The following ABCC4 variants were observed in gnomAD, a reference collection of about 807,000 sequenced individuals.
The protein encoded by ABCC4 is ATP binding cassette subfamily C member 4 (PEL blood group).
A neutral mutation model predicts 168.5 loss-of-function variants in ABCC4; 102 were observed. That is an observed-to-expected ratio of 0.61 (90% CI 0.52 to 0.71). The LOEUF is 0.71. Among genes scored for constraint, ABCC4 ranks in the 30% least tolerant of loss-of-function variants. The pLI is 0.00. For missense variants in ABCC4, 1,402 were observed against 1,605.8 expected (o/e 0.87, Z 2.17); for synonymous variants, 617 against 590.7 (o/e 1.04, Z -0.65).
At chr13:95,217,905 G>GA in intron 4 of ABCC4, among the ~76,000 whole-genome samples, 1 of 152,172 alleles carries the variant, frequency 6.6e-6, no homozygotes, top group Non-Finnish European at 1.5e-5. Context: ...GGTACTTCCT[G>GA]ATCCATCTTG....
chr13:95,299,267 C>CAAAA (rs59178850), intron 1 of ABCC4, among the ~76,000 whole-genome samples: 2 of 129,880 alleles, frequency 1.5e-5, no homozygotes, highest in Admixed American at 8.0e-5. Flanking sequence ...GATCCTGTCT[C>CAAAA]AAAAAAAAAA....
At chr13:95,242,072 C>A (rs1161880008) in intron 3 of ABCC4, among the ~76,000 whole-genome samples, 1 of 152,086 alleles carries the variant, frequency 6.6e-6, no homozygotes, top group Non-Finnish European at 1.5e-5. Context: ...TTAAAAAAGG[C>A]CTGAAAGTCA....
intron 27 of ABCC4, 77 bp downstream of exon 27, chr13:95,053,018 T>C (rs965531343): frequency 2.5e-5 from 32 of 1,300,074 alleles, no homozygotes; most frequent in Non-Finnish European, 3.3e-5. Flanking sequence ...CTCCTCTTAA[T>C]TTCCTGCAAT....
chr13:95,051,849 T>G (rs2032851792), intron 27 of ABCC4, among the ~76,000 whole-genome samples: 1 of 151,800 alleles, frequency 6.6e-6, no homozygotes, highest in African/African-American at 2.4e-5. Flanking sequence ...GTATTTTTAG[T>G]AGACACAGGG....
intron 1 of ABCC4, among the ~76,000 whole-genome samples, chr13:95,273,550 C>T (rs1228959058): frequency 1.3e-5 from 2 of 152,164 alleles, no homozygotes; most frequent in Non-Finnish European, 2.9e-5. Flanking sequence ...CCTTCTGTTC[C>T]ATGGGGACTA....
At chr13:95,244,626 A>G (rs150055833) in intron 3 of ABCC4, among the ~76,000 whole-genome samples, 903 of 62,308 alleles carry the variant, frequency 0.014, 43 homozygotes, top group Non-Finnish European at 0.02. Context: ...AGAAAGAAAG[A>G]AAGAAAGAAA....
At chr13:95,206,496 T>A in intron 8 of ABCC4, 36 bp downstream of exon 8, 1 of 1,601,726 alleles carries the variant, frequency 6.2e-7, no homozygotes, top group Non-Finnish European at 8.5e-7. Context: ...CTACTTCAAA[T>A]GCACCTACAA....
intron 20 of ABCC4, among the ~76,000 whole-genome samples, chr13:95,088,518 A>G (rs751121112): frequency 7.9e-5 from 12 of 152,216 alleles, no homozygotes; most frequent in Non-Finnish European, 1.5e-4. Context: ...CAGATATTAT[A>G]CAGAATATAT....
At chr13:95,044,797 A>T (rs1566368192) in intron 27 of ABCC4, among the ~76,000 whole-genome samples, 1 of 150,516 alleles carries the variant, frequency 6.6e-6, no homozygotes, top group Admixed American at 6.6e-5. Context: ...ACAGAAAGAT[A>T]AAAAAAATTC....
intron 19 of ABCC4, among the ~76,000 whole-genome samples, chr13:95,157,518 G>A (rs2036911427): frequency 6.6e-6 from 1 of 151,090 alleles, no homozygotes; most frequent in Non-Finnish European, 1.5e-5. Flanking sequence ...AGGAAGGAAG[G>A]AAGGAGAAAA....
intron 4 of ABCC4, among the ~76,000 whole-genome samples, chr13:95,220,054 C>T (rs977460725): frequency 7.4e-5 from 11 of 149,622 alleles, no homozygotes; most frequent in Admixed American, 4.7e-4. Flanking sequence ...TTAGTAGAGA[C>T]GGGGTTTCAC....
At chr13:95,141,369 T>A (rs997626352) in intron 19 of ABCC4, among the ~76,000 whole-genome samples, 1 of 152,230 alleles carries the variant, frequency 6.6e-6, no homozygotes, top group African/African-American at 2.4e-5. Context: ...ATGCATTATT[T>A]ATCATCCGGG....
chr13:95,164,134 C>T (rs2037195480), intron 16 of ABCC4, among the ~76,000 whole-genome samples: 1 of 151,830 alleles, frequency 6.6e-6, no homozygotes, highest in East Asian at 1.9e-4. Flanking sequence ...GTGCCAAGCC[C>T]AAACTCCCAG....
chr13:95,102,890 G>A (rs528096265), intron 20 of ABCC4, among the ~76,000 whole-genome samples: 8 of 151,372 alleles, frequency 5.3e-5, no homozygotes, highest in African/African-American at 1.9e-4. Context: ...CAAAGTGCTG[G>A]GATTACAGGT....
At chr13:95,104,816 C>T (rs779244193) in intron 20 of ABCC4, among the ~76,000 whole-genome samples, 13 of 152,128 alleles carry the variant, frequency 8.5e-5, no homozygotes, top group Non-Finnish European at 1.5e-4. Context: ...CAGGCATGTG[C>T]TACAGGTGGA....
At chr13:95,220,983 G>A (rs1337744391) in intron 4 of ABCC4, among the ~76,000 whole-genome samples, 1 of 152,172 alleles carries the variant, frequency 6.6e-6, no homozygotes, top group Admixed American at 6.5e-5. Context: ...CACAGTTGAG[G>A]ATCAGGGTGA....
chr13:95,108,639 T>TTC (rs2035090666), intron 20 of ABCC4, among the ~76,000 whole-genome samples: 1 of 120,580 alleles, frequency 8.3e-6, no homozygotes, highest in Non-Finnish European at 1.8e-5. Context: ...TAAATCTATT[T>TTC]TCTTTTTTTT....
At chr13:95,164,285 A>AC in intron 16 of ABCC4, 93 bp downstream of exon 16, 1 of 1,477,696 alleles carries the variant, frequency 6.8e-7, no homozygotes, top group Non-Finnish European at 9.2e-7. Context: ...TTCAATTCAG[A>AC]CCCCAAGTGA....
Position 95,209,477 on chromosome 13 carries a change from G to A in ABCC4, c.742C>T (p.Leu248=), listed in dbSNP as rs755653771. 1.2e-5 allele frequency: 20 copies of A among 1,614,066 alleles called. No individual in the cohort carries two copies. The highest frequency in any genetic ancestry group is 1.5e-5 in the Non-Finnish European group (18 of 1,180,022). The part of the protein sequence containing the change: ...LAGMAVLIIL[L]PLQSCFGKLF... ...TTCCCAAAACAGCTTTGCAAGGGCAGGAGAATGATTAGAACTGCCATCCCA... is the reference window on the plus strand; with the variant it reads ...TTCCCAAAACAGCTTTGCAAGGGCAAGAGAATGATTAGAACTGCCATCCCA... Residue 248 remains leucine, a synonymous_variant, in exon 6 of 31, where the codon CTG becomes TTG. Coordinates refer to ENST00000645237, the MANE Select transcript of ABCC4 (RefSeq NM_005845.5).
Sources: allele counts gnomAD v4.1 joint callset (sites outside exome capture counted in the v4.1 genomes callset), GRCh38; gene constraint gnomAD v4.1.1; transcripts MANE v1.5; gene names NCBI Gene and HGNC (gene_info 2026-07-23, HGNC 2026-07-21).